TOX4: variants seen among roughly 807,000 people sequenced by gnomAD.
TOX4 encodes TOX high mobility group box family member 4, also known as epidermal Langerhans cell protein LCP1.
A neutral mutation model predicts 61.0 loss-of-function variants in TOX4; 12 were observed. The ratio of observed to expected loss-of-function variants is 0.20; its 90% CI spans 0.13 to 0.32. The LOEUF (loss-of-function observed/expected upper bound fraction) is 0.32, where lower values mean the gene tolerates loss of function less well. Ranked by LOEUF, TOX4 falls within the 10% of genes least tolerant of loss-of-function variation. The pLI, the probability that TOX4 is intolerant of heterozygous loss-of-function variation, is 1.00. For missense variants in TOX4, 499 were observed against 753.3 expected (o/e 0.66, Z 3.95); for synonymous variants, 268 against 274.8 (o/e 0.98, Z 0.24).
intron 7 of TOX4, among the ~76,000 whole-genome samples, chr14:21,493,582 C>T (rs1891340562): frequency 6.6e-6 from 1 of 152,054 alleles, no homozygotes. Flanking sequence ...GCTGGGATTA[C>T]AGGCATGTGC....
chr14:21,484,422 C>A (rs1003976706), intron 2 of TOX4, among the ~76,000 whole-genome samples: 3 of 136,826 alleles, frequency 2.2e-5, no homozygotes, highest in Non-Finnish European at 4.6e-5. Flanking sequence ...AATCTCGGCT[C>A]ACTGCAGCCT....
chr14:21,484,482 T>A (rs1339763951), intron 2 of TOX4, among the ~76,000 whole-genome samples: 1 of 107,432 alleles, frequency 9.3e-6, no homozygotes, highest in African/African-American at 3.5e-5. Context: ...CTGATGTAGA[T>A]GGCATTACAG....
chr14:21,488,800 C>T lies in TOX4; in HGVS notation c.529C>T (p.Pro177Ser). ...QSPEDRLSTT[P>S]SPTSSLHEDG... ...ACCTGAAGATCGTCTTTCAACCACCCCTTCACCTACTAGTTCACTTCACGA... is the reference window on the plus strand; with the variant it reads ...ACCTGAAGATCGTCTTTCAACCACCTCTTCACCTACTAGTTCACTTCACGA... The change falls in exon 4 of 9, where the codon CCT becomes TCT. Residue 177 changes from proline to serine, a missense_variant. Coordinates refer to ENST00000448790, the MANE Select transcript of TOX4 (RefSeq NM_014828.4). 6.2e-7 allele frequency: 1 copy of T among 1,614,192 alleles called. No individual in the cohort carries two copies. Among genetic ancestry groups the T allele is most frequent in the Non-Finnish European group, 8.5e-7 (1 of 1,180,038 alleles).
At chr14:21,495,729 G>A (rs764896509) in intron 8 of TOX4, 2 of 160,488 alleles carry the variant, frequency 1.2e-5, no homozygotes, top group Non-Finnish European at 2.7e-5. Flanking sequence ...AGAATTTGGG[G>A]AGAAATGGTA....
chr14:21,494,928 C>A (rs958172087), intron 7 of TOX4, among the ~76,000 whole-genome samples: 4 of 151,470 alleles, frequency 2.6e-5, no homozygotes, highest in Non-Finnish European at 5.9e-5. Flanking sequence ...CAAAAAAAAA[C>A]AAAAAACACT....
At chr14:21,480,867 G>A (rs1891095344) in intron 2 of TOX4, among the ~76,000 whole-genome samples, 1 of 152,180 alleles carries the variant, frequency 6.6e-6, no homozygotes, top group Non-Finnish European at 1.5e-5. Context: ...GAGGCGAGTG[G>A]ATCACCTGAG....
chr14:21,490,054 G>A (rs1891259195), intron 5 of TOX4, among the ~76,000 whole-genome samples: 1 of 151,232 alleles, frequency 6.6e-6, no homozygotes, highest in African/African-American at 2.4e-5. Context: ...TGTGCCTTTG[G>A]TCCCAGCTGT....
At position 21,492,758 on chromosome 14, in the gene TOX4, T is replaced by G; in HGVS notation, c.1142T>G (p.Met381Arg). 1 of 1,614,176 alleles carries G rather than the reference T, an allele frequency of 6.2e-7. No individual in the cohort carries two copies. The highest frequency in any genetic ancestry group is 8.5e-7 in the Non-Finnish European group (1 of 1,180,030). Residue 381 changes from methionine to arginine, a missense_variant, in exon 7 of 9, where the codon ATG becomes AGG. Physicochemically the swap from Met to Arg is moderately conservative, Grantham distance 91. Around this residue, in one of 7 missense-constraint regions of TOX4, gnomAD observed 296 missense variants for 404.7 expected, o/e 0.73. Transcript: ENST00000448790. Reference protein sequence around the residue: ...TKQMLPSSITMSQGGMVTVIP... With the variant: ...TKQMLPSSITRSQGGMVTVIP... ...CAAATGTTGCCCTCTTCTATTACTA[T>G]GTCTCAAGGAGGGATGGTTACTGTT...
At chr14:21,482,928 A>G (rs1891131493) in intron 2 of TOX4, among the ~76,000 whole-genome samples, 1 of 152,172 alleles carries the variant, frequency 6.6e-6, no homozygotes, top group Non-Finnish European at 1.5e-5. Flanking sequence ...GAAGAAATAA[A>G]ACAGAACCCA....
chr14:21,495,821 T>A (rs1395663469), intron 8 of TOX4: 1 of 153,572 alleles, frequency 6.5e-6, no homozygotes, highest in Non-Finnish European at 1.4e-5. Flanking sequence ...CTCCCCAAAT[T>A]TTCCTGGGAA....
chr14:21,491,879 C>T (rs1196261678), intron 5 of TOX4, among the ~76,000 whole-genome samples: 3 of 151,340 alleles, frequency 2.0e-5, no homozygotes, highest in Admixed American at 6.6e-5. Flanking sequence ...GGCGTGGTGG[C>T]GGGTGCCTAT....
At chr14:21,477,414 A>AATG (rs1165322343) in intron 1 of TOX4, 82 bp from the exon 2 acceptor site, 2 of 1,609,916 alleles carry the variant, frequency 1.2e-6, no homozygotes, top group African/African-American at 2.7e-5. Context: ...GTGTTGTCAG[A>AATG]ATGTCAGGGT....
chr14:21,499,057 TAACTC>T lies in TOX4; in HGVS notation c.*2454_*2458del, dbSNP rs1891487220. The T allele has an allele frequency of 1.9e-6, 3 of 1,614,174 alleles. No individual in the cohort carries two copies. Among genetic ancestry groups the T allele is most frequent in the Non-Finnish European group, 2.5e-6 (3 of 1,180,000 alleles). ...GTTGCACATTGTGTGGTCGTCCAAA[TAACTC>T]AATCTTGCGAGTGCCAGGAGATAGT... On this transcript the variant is annotated 3_prime_UTR_variant, in exon 9 of 9. Coordinates refer to ENST00000448790, the MANE Select transcript of TOX4 (RefSeq NM_014828.4).
chr14:21,477,699 C>T (rs991457585), intron 2 of TOX4, 135 bp downstream of exon 2: 22 of 964,858 alleles, frequency 2.3e-5, no homozygotes, highest in Admixed American at 4.8e-5. Context: ...AGAAAAGTGG[C>T]GGTTGCTTCT....
intron 7 of TOX4, among the ~76,000 whole-genome samples, chr14:21,494,422 A>G (rs1030816881): frequency 3.3e-5 from 5 of 151,876 alleles, no homozygotes; most frequent in Non-Finnish European, 7.4e-5. Context: ...CCTGGCCAAC[A>G]TGGTGAAACC....
chr14:21,480,815 G>A (rs1343016207), intron 2 of TOX4, among the ~76,000 whole-genome samples: 2 of 152,222 alleles, frequency 1.3e-5, no homozygotes, highest in Non-Finnish European at 2.9e-5. Flanking sequence ...CAAAGGCCAG[G>A]CGTGGTGGCT....
At position 21,492,867 on chromosome 14, in the gene TOX4, G is replaced by A; in HGVS notation, c.1251G>A (p.Gln417=). The part of the protein sequence containing the change: ...TATIQPSQQA[Q]IVTRSVLQAA... ...CTATCCAGCCCAGTCAACAAGCCCA[G>A]ATTGTCACTCGGTCAGTGTTGCAGG... Residue 417 remains glutamine (Q), a synonymous_variant, in exon 7 of 9, where the codon CAG becomes CAA. Transcript: ENST00000448790. The A allele has an allele frequency of 6.2e-7, 1 of 1,613,114 alleles. No individual in the cohort carries two copies. The highest frequency in any genetic ancestry group is 8.5e-7 in the Non-Finnish European group (1 of 1,179,658).
Position 21,492,997 on chromosome 14 carries a change from A to C in TOX4, c.1381A>C (p.Thr461Pro). Residue 461 changes from threonine (T) to proline (P), a missense_variant, in exon 7 of 9, where the codon ACC becomes CCC. This residue lies in a region of TOX4 where 296 missense variants were observed against 404.7 expected (regional missense o/e 0.73). Coordinates refer to ENST00000448790, the MANE Select transcript of TOX4 (RefSeq NM_014828.4). ...ACAGCCCCCGACTCAGCAGCAAGTTACCATTCTGCAGCAGCCTCCTCCACT... is the reference window on the plus strand; with the variant it reads ...ACAGCCCCCGACTCAGCAGCAAGTTCCCATTCTGCAGCAGCCTCCTCCACT... ...MPQPPTQQQV[T>P]ILQQPPPLQA... is the part of the protein sequence containing the mutation. The C allele has an allele frequency of 6.2e-7, 1 of 1,613,436 alleles. No individual in the cohort carries two copies. Among genetic ancestry groups the C allele is most frequent in the African/African-American group, 1.3e-5 (1 of 75,008 alleles).
intron 8 of TOX4, 85 bp from the exon 9 acceptor site, chr14:21,496,461 G>C (rs776421255): frequency 3.1e-6 from 4 of 1,271,332 alleles, no homozygotes; most frequent in Non-Finnish European, 4.5e-6. Context: ...CATGAGGTCC[G>C]TCTCAAAAAA....
Sources: gnomAD v4.1 joint callset for allele counts (sites outside exome capture counted in the v4.1 genomes callset) on GRCh38, gnomAD v4.1.1 for gene constraint, gnomAD v4.1.1 regional missense constraint, MANE v1.5 for transcripts, NCBI Gene and HGNC (gene_info 2026-07-23, HGNC 2026-07-21) for gene names.